CDH9: variants seen among roughly 807,000 people sequenced by gnomAD.
CDH9 encodes the protein cadherin-9.
CDH9 carries 28 observed loss-of-function variants against 70.9 expected under a neutral mutation model. That is an observed-to-expected ratio of 0.40 (90% CI 0.29 to 0.54). The LOEUF (loss-of-function observed/expected upper bound fraction) is 0.54. Among genes scored for constraint, CDH9 ranks in the 20% least tolerant of loss-of-function variants. The probability of loss-of-function intolerance (pLI) is 0.59; values close to 1 mark genes in which losing one functional copy is unlikely to be tolerated. For synonymous variants in CDH9, 409 were observed against 343.1 expected (o/e 1.19, Z -2.12); for missense variants, 874 against 984.4 (o/e 0.89, Z 1.50).
At chr5:26,996,691 T>C (rs889549280) in intron 1 of CDH9, among the ~76,000 whole-genome samples, 10 of 151,678 alleles carry the variant, frequency 6.6e-5, no homozygotes, top group African/African-American at 2.2e-4. Flanking sequence ...TGTATAAATA[T>C]ATACATATTT....
At position 26,902,577 on chromosome 5, in the gene CDH9, A is replaced by G; in HGVS notation, c.1152T>C (p.Thr384=). Residue 384 remains threonine, a synonymous_variant, in exon 7 of 12, where the codon ACT becomes ACC. Coordinates refer to ENST00000231021, the MANE Select transcript of CDH9 (RefSeq NM_016279.4). The part of the protein sequence containing the change: ...VEDIDEPPVF[T]KVSYLIEVDE... Reference sequence around the variant, plus strand: ...CTACTTCTATCAAGTAAGAGACTTTAGTGAACACAGGAGGCTCATCTATAT... The same window carrying G: ...CTACTTCTATCAAGTAAGAGACTTTGGTGAACACAGGAGGCTCATCTATAT... 6.3e-7 allele frequency: 1 copy of G among 1,597,748 alleles called. No individual in the cohort carries two copies. The highest frequency in any genetic ancestry group is 8.6e-7 in the Non-Finnish European group (1 of 1,165,440).
intron 3 of CDH9, among the ~76,000 whole-genome samples, chr5:26,913,544 A>G (rs945187964): frequency 6.6e-6 from 1 of 152,096 alleles, no homozygotes; most frequent in Admixed American, 6.6e-5. Flanking sequence ...GCAACTGACA[A>G]TGGCTCAAAT....
At chr5:26,889,218 A>G (rs1740614541) in intron 9 of CDH9, among the ~76,000 whole-genome samples, 1 of 114,154 alleles carries the variant, frequency 8.8e-6, no homozygotes, top group Non-Finnish European at 1.8e-5. Flanking sequence ...CTGTTATTGA[A>G]AAATACTACA....
At chr5:27,012,010 A>T (rs1021508735) in intron 1 of CDH9, among the ~76,000 whole-genome samples, 4 of 152,142 alleles carry the variant, frequency 2.6e-5, no homozygotes, top group African/African-American at 9.6e-5. Flanking sequence ...CTACACTATG[A>T]TTCCAAAACA....
At chr5:26,996,425 C>T (rs1290799447) in intron 1 of CDH9, among the ~76,000 whole-genome samples, 2 of 151,946 alleles carry the variant, frequency 1.3e-5, no homozygotes, top group Non-Finnish European at 2.9e-5. Flanking sequence ...AAATGTCATA[C>T]ATATGTTGTT....
intron 7 of CDH9, among the ~76,000 whole-genome samples, chr5:26,897,472 C>T (rs80034201): frequency 2.0e-5 from 3 of 151,992 alleles, no homozygotes; most frequent in African/African-American, 7.2e-5. Flanking sequence ...TTATCAACCA[C>T]GATCAAGTTG....
At chr5:26,909,391 G>T (rs1473449434) in intron 3 of CDH9, among the ~76,000 whole-genome samples, 1 of 151,600 alleles carries the variant, frequency 6.6e-6, no homozygotes, top group Non-Finnish European at 1.5e-5. Context: ...ATTTTTATTT[G>T]TTCTTTAGTT....
intron 1 of CDH9, among the ~76,000 whole-genome samples, chr5:27,018,793 C>T (rs1223898354): frequency 6.6e-6 from 1 of 151,884 alleles, no homozygotes; most frequent in East Asian, 2.0e-4. Context: ...AGATGTAAAC[C>T]AGCTGCACAG....
intron 1 of CDH9, among the ~76,000 whole-genome samples, chr5:27,002,394 A>G (rs1402311012): frequency 1.2e-4 from 19 of 152,016 alleles, no homozygotes; most frequent in Non-Finnish European, 2.1e-4. Context: ...TAGAAATACT[A>G]TTTGACCCAG....
chr5:26,915,449 C>T (rs1031722415), intron 3 of CDH9, among the ~76,000 whole-genome samples, 181 bp downstream of exon 3: 9 of 151,792 alleles, frequency 5.9e-5, no homozygotes, highest in African/African-American at 1.9e-4. Context: ...TAAATTACAA[C>T]ATAACAGGAG....
chr5:27,034,690 G>A (rs1036091542), intron 1 of CDH9, among the ~76,000 whole-genome samples: 7 of 151,466 alleles, frequency 4.6e-5, no homozygotes, highest in African/African-American at 1.7e-4. Flanking sequence ...TGTTTGGAGA[G>A]GTGTTTCTTG....
chr5:26,950,875 T>A (rs1257842805), intron 2 of CDH9, among the ~76,000 whole-genome samples: 1 of 152,182 alleles, frequency 6.6e-6, no homozygotes, highest in Admixed American at 6.6e-5. Context: ...GCACAGAGTA[T>A]AAGGCAGAAT....
intron 1 of CDH9, among the ~76,000 whole-genome samples, chr5:27,010,234 C>T (rs936949168): frequency 1.3e-5 from 2 of 151,928 alleles, no homozygotes; most frequent in African/African-American, 4.8e-5. Context: ...TCAATGTTTC[C>T]CTCCCCTCAG....
chr5:27,028,795 A>C (rs1743263553), intron 1 of CDH9, among the ~76,000 whole-genome samples: 1 of 152,020 alleles, frequency 6.6e-6, no homozygotes, highest in Non-Finnish European at 1.5e-5. Flanking sequence ...ATTGCCAAAA[A>C]CCAAAAACTT....
intron 2 of CDH9, among the ~76,000 whole-genome samples, chr5:26,934,567 C>T (rs1461326404): frequency 3.3e-5 from 5 of 152,146 alleles, no homozygotes; most frequent in African/African-American, 1.2e-4. Context: ...CACCAGGCCC[C>T]ACCTCCAACC....
At chr5:26,893,746 A>G (rs1257714534) in intron 7 of CDH9, among the ~76,000 whole-genome samples, 1 of 151,932 alleles carries the variant, frequency 6.6e-6, no homozygotes, top group Admixed American at 6.6e-5. Context: ...TTAGCCAACA[A>G]TTGTTTGTCA....
chr5:26,912,947 T>C (rs147440543), intron 3 of CDH9, among the ~76,000 whole-genome samples: 5,078 of 152,154 alleles, frequency 0.033, 159 homozygotes, highest in Non-Finnish European at 0.046. Context: ...AACAGGAGTT[T>C]CCCTGCACAA....
At chr5:26,987,407 A>T (rs1444394261) in intron 2 of CDH9, among the ~76,000 whole-genome samples, 1 of 151,948 alleles carries the variant, frequency 6.6e-6, no homozygotes, top group Non-Finnish European at 1.5e-5. Flanking sequence ...AAAATTATGG[A>T]TGTTGGAAAG....
At chr5:27,005,039 G>A (rs1285852091) in intron 1 of CDH9, among the ~76,000 whole-genome samples, 1 of 152,028 alleles carries the variant, frequency 6.6e-6, no homozygotes. Context: ...AATATGCTGG[G>A]GAAAAAGGCA....
Sources: allele counts gnomAD v4.1 joint callset (sites outside exome capture counted in the v4.1 genomes callset), GRCh38; gene constraint gnomAD v4.1.1; transcripts MANE v1.5; gene names NCBI Gene and HGNC (gene_info 2026-07-23, HGNC 2026-07-21).